KIF26B: variants seen among roughly 807,000 people sequenced by gnomAD.
KIF26B encodes the protein kinesin family member 26B, also known as kinesin-like protein KIF26B.
A neutral mutation model predicts 151.2 loss-of-function variants in KIF26B; 63 were observed. That is an observed-to-expected ratio of 0.42 (90% CI 0.34 to 0.51). The LOEUF is 0.51. Among genes scored for constraint, KIF26B ranks in the 20% least tolerant of loss-of-function variants. KIF26B has a pLI of 0.07. For synonymous variants in KIF26B, 1,357 were observed against 1,262.1 expected (o/e 1.08, Z -1.59); for missense variants, 2,813 against 2,913.6 (o/e 0.97, Z 0.79).
intron 4 of KIF26B, among the ~76,000 whole-genome samples, chr1:245,507,210 A>G (rs1279126647): frequency 6.6e-6 from 1 of 152,176 alleles, no homozygotes; most frequent in African/African-American, 2.4e-5. Context: ...GATTGCTGGT[A>G]ATAAGTCTGG....
intron 5 of KIF26B, among the ~76,000 whole-genome samples, chr1:245,599,119 ACTC>A (rs2043365064): frequency 6.6e-6 from 1 of 151,918 alleles, no homozygotes; most frequent in South Asian, 2.1e-4. Flanking sequence ...AAAAGCAAGA[ACTC>A]CTGGCAACAA....
At chr1:245,374,118 T>A (rs1216921521) in intron 3 of KIF26B, among the ~76,000 whole-genome samples, 2 of 74,332 alleles carry the variant, frequency 2.7e-5, no homozygotes, top group East Asian at 3.7e-4. Flanking sequence ...TATATATATA[T>A]ATATATATAT....
chr1:245,652,806 C>T (rs1002574545), intron 10 of KIF26B, among the ~76,000 whole-genome samples: 1 of 152,152 alleles, frequency 6.6e-6, no homozygotes, highest in African/African-American at 2.4e-5. Flanking sequence ...GAATATCAGG[C>T]CCCAGCTCTG....
At chr1:245,445,390 G>A (rs1285814534) in intron 4 of KIF26B, among the ~76,000 whole-genome samples, 4 of 152,186 alleles carry the variant, frequency 2.6e-5, no homozygotes, top group African/African-American at 7.2e-5. Context: ...TCATCCTTTA[G>A]AGATATAGAC....
chr1:245,266,848 T>C (rs1670756105), intron 2 of KIF26B, among the ~76,000 whole-genome samples: 1 of 152,184 alleles, frequency 6.6e-6, no homozygotes, highest in South Asian at 2.1e-4. Flanking sequence ...CCTATGACTT[T>C]CTCAGTTCCC....
At chr1:245,174,661 C>T (rs1407319344) in intron 2 of KIF26B, among the ~76,000 whole-genome samples, 1 of 152,130 alleles carries the variant, frequency 6.6e-6, no homozygotes, top group East Asian at 1.9e-4. Flanking sequence ...CATGTGCCAC[C>T]ACACCTGGCC....
At chr1:245,254,825 G>A (rs1383963814) in intron 2 of KIF26B, among the ~76,000 whole-genome samples, 1 of 152,160 alleles carries the variant, frequency 6.6e-6, no homozygotes, top group Non-Finnish European at 1.5e-5. Flanking sequence ...TGCCATGCCT[G>A]TTTCAGGTTT....
chr1:245,343,752 A>G (rs762794714), intron 2 of KIF26B, among the ~76,000 whole-genome samples: 12 of 152,246 alleles, frequency 7.9e-5, no homozygotes, highest in Non-Finnish European at 1.6e-4. Flanking sequence ...ATGTTGACTT[A>G]TAATTCATGA....
intron 2 of KIF26B, among the ~76,000 whole-genome samples, chr1:245,305,954 A>G (rs867764216): frequency 1.3e-5 from 2 of 151,466 alleles, no homozygotes; most frequent in Admixed American, 6.6e-5. Flanking sequence ...AAAAAAAAAA[A>G]AAAGAAAAGA....
At chr1:245,315,053 G>T (rs544687740) in intron 2 of KIF26B, among the ~76,000 whole-genome samples, 1 of 151,938 alleles carries the variant, frequency 6.6e-6, no homozygotes, top group Non-Finnish European at 1.5e-5. Context: ...GGTGGCGGGC[G>T]CCTGTAATCC....
rs1553342830 is a variant in KIF26B at position 245,304,691 on chromosome 1, G to GTCCGTCCATCCA, written c.466-62140_466-62139insGTCCATCCATCC. Among the ~76,000 whole-genome samples, 5 of 136,066 alleles carry GTCCGTCCATCCA rather than the reference G, an allele frequency of 3.7e-5. No homozygotes were observed. The East Asian group carries it at 9.7e-4, about 26-fold the overall frequency. The allele number at this position is 136,066 out of a possible 152,430, so 89.3% of individuals were successfully genotyped here. ...TGTCTGCCTGTCCATCCATCCATAC[G>GTCCGTCCATCCA]TCCATCCCTCCATCCATCCATCCAT... On this transcript the variant is annotated intron_variant, in intron 2 of 14. Transcript: ENST00000407071.
intron 5 of KIF26B, among the ~76,000 whole-genome samples, chr1:245,589,732 C>T (rs2103135129): frequency 6.6e-6 from 1 of 152,234 alleles, no homozygotes; most frequent in Middle Eastern, 3.4e-3. Context: ...GCTGGTATTT[C>T]TGGGCAGACA....
At chr1:245,510,099 T>C (rs1660799429) in intron 4 of KIF26B, among the ~76,000 whole-genome samples, 1 of 152,162 alleles carries the variant, frequency 6.6e-6, no homozygotes, top group African/African-American at 2.4e-5. Flanking sequence ...CTCTACCTTC[T>C]TCTCTTTTGG....
At position 245,511,138 on chromosome 1, in the gene KIF26B, G is replaced by A. The variant is rs141156117; in HGVS notation, c.1167-29629G>A. 8.1e-3 allele frequency: 5,839 copies of A among 717,228 alleles called. 68 individuals carry two copies. The highest frequency in any genetic ancestry group is 0.041 in the Middle Eastern group (178 of 4,370). 44.4% of individuals were successfully genotyped at this position (717,228 alleles called of 1,614,324 possible). ...TGGATTGGAAAGCAGTGTAAGTAAC[G>A]CAGTTATATATGTTGCTGGAGTTAG... On this transcript the variant is annotated intron_variant, in intron 4 of 14. Transcript: ENST00000407071.
At chr1:245,315,634 C>T (rs1671754110) in intron 2 of KIF26B, among the ~76,000 whole-genome samples, 1 of 151,080 alleles carries the variant, frequency 6.6e-6, no homozygotes, top group Non-Finnish European at 1.5e-5. Flanking sequence ...AGGCAGGAGA[C>T]TCTCCTGAAC....
chr1:245,528,903 G>C (rs1250949000), intron 4 of KIF26B, among the ~76,000 whole-genome samples: 3 of 152,068 alleles, frequency 2.0e-5, no homozygotes, highest in Non-Finnish European at 4.4e-5. Context: ...GCAGTATCTG[G>C]GTCTGACTTA....
chr1:245,302,632 G>A (rs1423868789), intron 2 of KIF26B, among the ~76,000 whole-genome samples: 1 of 152,114 alleles, frequency 6.6e-6, no homozygotes, highest in Admixed American at 6.5e-5. Context: ...AAACATCGAG[G>A]AATTTCCCAA....
At chr1:245,397,600 G>T (rs1673879923) in intron 3 of KIF26B, among the ~76,000 whole-genome samples, 2 of 152,190 alleles carry the variant, frequency 1.3e-5, no homozygotes, top group African/African-American at 4.8e-5. Flanking sequence ...GTAGAAAAAT[G>T]AATAAATGAA....
chr1:245,245,669 A>G (rs1490502441), intron 2 of KIF26B, among the ~76,000 whole-genome samples: 2 of 152,142 alleles, frequency 1.3e-5, no homozygotes, highest in East Asian at 1.9e-4. Flanking sequence ...GCGGTGGCTC[A>G]TGCCTGTAAC....
Sources: gnomAD v4.1 joint callset for allele counts (sites outside exome capture counted in the v4.1 genomes callset) on GRCh38, gnomAD v4.1.1 for gene constraint, MANE v1.5 for transcripts, NCBI Gene and HGNC (gene_info 2026-07-23, HGNC 2026-07-21) for gene names.